The following NCAM1 variants were observed in gnomAD, a reference collection of about 807,000 sequenced individuals.
NCAM1 encodes the protein neural cell adhesion molecule 1, also known as antigen recognized by monoclonal antibody 5.1H11.
A neutral mutation model predicts 109.8 loss-of-function variants in NCAM1; 14 were observed. That is an observed-to-expected ratio of 0.13 (90% CI 0.08 to 0.20). The LOEUF is 0.20. Among genes scored for constraint, NCAM1 ranks in the 10% least tolerant of loss-of-function variants. The pLI, the probability that NCAM1 is intolerant of heterozygous loss-of-function variation, is 1.00. For synonymous variants in NCAM1, 418 were observed against 442.9 expected, an observed-to-expected ratio of 0.94 and a Z score of 0.70; for missense variants, 774 against 1,109.9, an observed-to-expected ratio of 0.70 and a Z score of 4.30.
intron 1 of NCAM1, among the ~76,000 whole-genome samples, chr11:113,028,605 G>A (rs1231130835): frequency 3.9e-5 from 6 of 152,162 alleles, no homozygotes; most frequent in African/African-American, 1.4e-4. Flanking sequence ...TTTCTGAGTT[G>A]CTTTGCACTA....
intron 1 of NCAM1, among the ~76,000 whole-genome samples, chr11:112,982,896 G>C (rs1469538619): frequency 6.6e-6 from 1 of 151,890 alleles, no homozygotes; most frequent in Admixed American, 6.6e-5. Context: ...GTTTTTAGGA[G>C]AGATCACGTT....
chr11:113,232,630 T>C, intron 11 of NCAM1, 88 bp from the exon 12 acceptor site: 5 of 1,129,244 alleles, frequency 4.4e-6, no homozygotes, highest in Non-Finnish European at 6.6e-6. Flanking sequence ...TAGTTCTGTT[T>C]TTTACTAACT....
rs111669681 is a variant in NCAM1, at chr11:113,104,215, G to C, written c.53-98164G>C. 8.6e-5 allele frequency among the ~76,000 whole-genome samples: 10 copies of C among 116,530 alleles called. No homozygotes were observed. In the East Asian group the frequency reaches 2.5e-3, roughly 29 times the overall value. The allele number at this position is 116,530 out of a possible 152,430, so 76.4% of individuals were successfully genotyped here. On this transcript the variant is annotated intron_variant, in intron 1 of 19. Transcript: ENST00000316851. ...GTGAAGAGGAGGTGGGGTGGGGGGG[G>C]GGGCGGGGTGGTGGTGGCGGTGCAG...
At chr11:113,247,216 A>T (rs1342855836) in intron 15 of NCAM1, among the ~76,000 whole-genome samples, 1 of 152,176 alleles carries the variant, frequency 6.6e-6, no homozygotes, top group Non-Finnish European at 1.5e-5. Context: ...AGCTTCCCTC[A>T]CTCAAATCAA....
chr11:113,018,597 C>A (rs1477019714), intron 1 of NCAM1, among the ~76,000 whole-genome samples: 1 of 152,144 alleles, frequency 6.6e-6, no homozygotes, highest in Non-Finnish European at 1.5e-5. Context: ...AAGACCTAGG[C>A]CTTGTTCATT....
At position 113,276,929 on chromosome 11, in the gene NCAM1, A is replaced by C. The variant is rs1287023585; in HGVS notation, c.*1542A>C. On this transcript the variant is annotated 3_prime_UTR_variant, in exon 20 of 20. Coordinates refer to ENST00000316851, the MANE Select transcript of NCAM1 (RefSeq NM_181351.5). ...AGAACTGCAAGCTTGTGCACTGTGG[A>C]TGCGTGAATATTTTAGTGTGAAACG... is the stretch of plus-strand genomic sequence containing the variant. 3 of 155,948 alleles carry C rather than the reference A, an allele frequency of 1.9e-5. No individual in the cohort carries two copies. The highest frequency in any genetic ancestry group is 7.2e-5 in the African/African-American group (3 of 41,604). The allele number at this position is 155,948 out of a possible 1,614,324, so 9.7% of individuals were successfully genotyped here.
intron 1 of NCAM1, among the ~76,000 whole-genome samples, chr11:113,070,860 G>C (rs1199160618): frequency 6.6e-6 from 1 of 152,168 alleles, no homozygotes; most frequent in Non-Finnish European, 1.5e-5. Flanking sequence ...GGGAAAGGGA[G>C]CTGACTGGAT....
intron 1 of NCAM1, among the ~76,000 whole-genome samples, chr11:113,105,458 T>C (rs1940112701): frequency 6.6e-6 from 1 of 152,172 alleles, no homozygotes; most frequent in Non-Finnish European, 1.5e-5. Context: ...CAAAAACGTG[T>C]ACACAAATTT....
At chr11:113,114,112 A>G (rs186997729) in intron 1 of NCAM1, among the ~76,000 whole-genome samples, 13 of 152,284 alleles carry the variant, frequency 8.5e-5, no homozygotes, top group Admixed American at 3.3e-4. Context: ...GCCTTGTGTG[A>G]TTTGATGGTG....
chr11:113,121,162 T>C (rs963034456), intron 1 of NCAM1, among the ~76,000 whole-genome samples: 1 of 151,484 alleles, frequency 6.6e-6, no homozygotes, highest in Non-Finnish European at 1.5e-5. Flanking sequence ...GTGGCCTCCT[T>C]AGTTCAGCAT....
chr11:113,140,672 T>C (rs1941783245), intron 1 of NCAM1, among the ~76,000 whole-genome samples: 1 of 152,228 alleles, frequency 6.6e-6, no homozygotes, highest in African/African-American at 2.4e-5. Context: ...TGGCCCACAT[T>C]CTAGCTTATT....
intron 1 of NCAM1, among the ~76,000 whole-genome samples, chr11:113,166,308 G>A (rs1942795330): frequency 6.6e-6 from 1 of 152,164 alleles, no homozygotes; most frequent in South Asian, 2.1e-4. Flanking sequence ...GTCAAGATCT[G>A]TGAAAGGGAT....
At chr11:113,145,628 A>G (rs1028329002) in intron 1 of NCAM1, among the ~76,000 whole-genome samples, 6 of 152,226 alleles carry the variant, frequency 3.9e-5, no homozygotes, top group Admixed American at 3.3e-4. Flanking sequence ...CTATACAATT[A>G]GAAAAAGGTT....
At chr11:113,111,565 G>A (rs187238118) in intron 1 of NCAM1, among the ~76,000 whole-genome samples, 4 of 152,246 alleles carry the variant, frequency 2.6e-5, no homozygotes, top group Non-Finnish European at 5.9e-5. Context: ...TAATGGAAGC[G>A]TTCTGTATCT....
At chr11:113,155,272 C>G (rs907276333) in intron 1 of NCAM1, among the ~76,000 whole-genome samples, 19 of 152,068 alleles carry the variant, frequency 1.2e-4, no homozygotes, top group Non-Finnish European at 1.9e-4. Flanking sequence ...AATCCCAGCA[C>G]TTTGGGAGGC....
intron 1 of NCAM1, among the ~76,000 whole-genome samples, chr11:113,047,686 T>C (rs1953318168): frequency 6.6e-6 from 1 of 152,116 alleles, no homozygotes; most frequent in African/African-American, 2.4e-5. Flanking sequence ...TGGCTCACAG[T>C]TCCCCAGGGC....
chr11:113,121,880 C>T (rs1315387397), intron 1 of NCAM1, among the ~76,000 whole-genome samples: 1 of 152,186 alleles, frequency 6.6e-6, no homozygotes, highest in Admixed American at 6.5e-5. Flanking sequence ...GCAGTGCTTC[C>T]ATTGGCAAAT....
In NCAM1 at chr11:113,258,357, A is replaced by C. The variant is rs782301214; in HGVS notation, c.1954-1789A>C. Among the ~76,000 whole-genome samples, 8 of 152,268 alleles carry C rather than the reference A, an allele frequency of 5.3e-5. No homozygotes were observed. The East Asian group carries it at 1.4e-3, about 26-fold the overall frequency. ...GGCCCTTTGAGCAGCCCACTGTTGGACTTGACAGCAGAACTTAGTCCCGAG... is the reference window on the plus strand; with the variant it reads ...GGCCCTTTGAGCAGCCCACTGTTGGCCTTGACAGCAGAACTTAGTCCCGAG... On this transcript the variant is annotated intron_variant, in intron 16 of 19. Coordinates refer to ENST00000316851, the MANE Select transcript of NCAM1 (RefSeq NM_181351.5).
rs1946158751 is a variant in NCAM1, at chr11:113,267,559, G to C, written c.2132-2629G>C. Among the ~76,000 whole-genome samples the C allele has an allele frequency of 3.9e-5, 6 of 152,190 alleles. No individual in the cohort carries two copies. In the South Asian group the frequency reaches 1.2e-3, roughly 32 times the overall value. On this transcript the variant is annotated intron_variant, in intron 17 of 19. Coordinates refer to ENST00000316851, the MANE Select transcript of NCAM1 (RefSeq NM_181351.5). ...TCATCAAGGCCCTAAAGCGGGTTGA[G>C]CTGGATGTGTTCAGCAGGCAGAAGG...
Sources: gnomAD v4.1 joint callset for allele counts (sites outside exome capture counted in the v4.1 genomes callset) on GRCh38, gnomAD v4.1.1 for gene constraint, MANE v1.5 for transcripts, NCBI Gene and HGNC (gene_info 2026-07-23, HGNC 2026-07-21) for gene names.